CALN1: variants seen among roughly 807,000 people sequenced by gnomAD.
CALN1 encodes calneuron 1.
A neutral mutation model predicts 30.6 loss-of-function variants in CALN1; 17 were observed. That is an observed-to-expected ratio of 0.56 (90% CI 0.38 to 0.83). The LOEUF is 0.83. Ranked by LOEUF, CALN1 falls within the 40% of genes least tolerant of loss-of-function variation. The pLI, the probability that CALN1 is intolerant of heterozygous loss-of-function variation, is 0.00. For synonymous variants in CALN1, 156 were observed against 131.4 expected, an observed-to-expected ratio of 1.19 and a Z score of -1.28; for missense variants, 291 against 354.9, an observed-to-expected ratio of 0.82 and a Z score of 1.45.
At chr7:71,841,405 C>T (rs1024785939) in intron 5 of CALN1, among the ~76,000 whole-genome samples, 1 of 152,134 alleles carries the variant, frequency 6.6e-6, no homozygotes, top group Non-Finnish European at 1.5e-5. Context: ...CATCATGGGC[C>T]AATTCCAACA....
intron 2 of CALN1, among the ~76,000 whole-genome samples, chr7:72,401,248 T>G (rs547090346): frequency 2.6e-5 from 4 of 152,214 alleles, no homozygotes; most frequent in Middle Eastern, 3.4e-3. Context: ...CTCTGAGAGA[T>G]AACATTACTG....
intron 3 of CALN1, among the ~76,000 whole-genome samples, chr7:72,228,438 G>A (rs770424548): frequency 6.6e-6 from 1 of 151,832 alleles, no homozygotes; most frequent in Non-Finnish European, 1.5e-5. Context: ...ACAGTGATGT[G>A]TGCACAGCTC....
intron 5 of CALN1, among the ~76,000 whole-genome samples, chr7:71,908,902 T>A (rs939126405): frequency 2.6e-5 from 4 of 152,208 alleles, no homozygotes; most frequent in African/African-American, 9.6e-5. Flanking sequence ...CTTTCAGGGA[T>A]CCAGGGACGT....
At chr7:72,367,215 CTGG>C (rs1803929895) in intron 2 of CALN1, among the ~76,000 whole-genome samples, 1 of 152,112 alleles carries the variant, frequency 6.6e-6, no homozygotes, top group South Asian at 2.1e-4. Context: ...ATGATAGCAT[CTGG>C]GGTCACACCT....
chr7:72,044,328 A>T (rs975157115), intron 4 of CALN1, among the ~76,000 whole-genome samples: 4 of 152,062 alleles, frequency 2.6e-5, no homozygotes, highest in African/African-American at 9.7e-5. Flanking sequence ...GTTCATCCAG[A>T]GCCGGCCTCC....
intron 3 of CALN1, among the ~76,000 whole-genome samples, chr7:72,223,599 C>G (rs926416642): frequency 6.6e-6 from 1 of 152,104 alleles, no homozygotes; most frequent in African/African-American, 2.4e-5. Context: ...CTCACAGGCC[C>G]CCACAAAAGG....
chr7:71,987,103 G>A (rs1327136760), intron 5 of CALN1, among the ~76,000 whole-genome samples: 1 of 151,774 alleles, frequency 6.6e-6, no homozygotes, highest in African/African-American at 2.4e-5. Flanking sequence ...TCCAGCCTCG[G>A]TGACAGAGCG....
intron 3 of CALN1, among the ~76,000 whole-genome samples, chr7:72,175,852 G>A (rs1789311481): frequency 6.6e-6 from 1 of 152,132 alleles, no homozygotes. Flanking sequence ...AAGAGGGAAA[G>A]TCTCTTAGGT....
intron 3 of CALN1, among the ~76,000 whole-genome samples, chr7:72,145,470 CAAT>C (rs1786632230): frequency 6.6e-6 from 1 of 152,078 alleles, no homozygotes; most frequent in Non-Finnish European, 1.5e-5. Context: ...GAAGTTGAGG[CAAT>C]AATTAATAGC....
intron 3 of CALN1, among the ~76,000 whole-genome samples, chr7:72,233,193 GA>G (rs200734987): frequency 0.013 from 1,529 of 117,748 alleles, 12 homozygotes; most frequent in Middle Eastern, 0.03. Context: ...CTGTAAAAAG[GA>G]AAAAAAAAAA....
chr7:72,267,127 T>G (rs549088186), intron 3 of CALN1, among the ~76,000 whole-genome samples: 1 of 152,292 alleles, frequency 6.6e-6, no homozygotes, highest in East Asian at 1.9e-4. Context: ...TGTTTCTGCC[T>G]CCTTCAAACC....
At chr7:72,183,965 T>C (rs567115262) in intron 3 of CALN1, among the ~76,000 whole-genome samples, 1 of 152,154 alleles carries the variant, frequency 6.6e-6, no homozygotes, top group East Asian at 1.9e-4. Flanking sequence ...GGGGAAATGA[T>C]CATTAAAAAT....
intron 3 of CALN1, among the ~76,000 whole-genome samples, chr7:72,212,082 G>A (rs1792437812): frequency 6.6e-6 from 1 of 152,136 alleles, no homozygotes; most frequent in Non-Finnish European, 1.5e-5. Flanking sequence ...GCCGGGCACG[G>A]TGACTCATGC....
chr7:72,178,023 C>T (rs974928902), intron 3 of CALN1, among the ~76,000 whole-genome samples: 1 of 152,118 alleles, frequency 6.6e-6, no homozygotes, highest in Admixed American at 6.5e-5. Flanking sequence ...GAATCTGAGG[C>T]CTTTTATTAC....
intron 2 of CALN1, chr7:72,337,563 C>G (rs1393808403): frequency 1.3e-5 from 2 of 153,462 alleles, no homozygotes; most frequent in African/African-American, 4.8e-5. Context: ...AACTGCTGCT[C>G]CTCAGCACAG....
chr7:72,338,502 T>A (rs893083299), intron 2 of CALN1, among the ~76,000 whole-genome samples: 1 of 146,722 alleles, frequency 6.8e-6, no homozygotes, highest in African/African-American at 2.5e-5. Flanking sequence ...TGTGTGTGTG[T>A]GTGTGTGTGT....
At chr7:72,337,438 ACACGCATG>A (rs1435470097) in intron 2 of CALN1, 1 of 206,924 alleles carries the variant, frequency 4.8e-6, no homozygotes, top group African/African-American at 2.4e-5. Context: ...ACACACACAC[ACACGCATG>A]CACATGCACG....
intron 3 of CALN1, among the ~76,000 whole-genome samples, chr7:72,256,113 C>T (rs1394180092): frequency 6.6e-6 from 1 of 152,176 alleles, no homozygotes; most frequent in Non-Finnish European, 1.5e-5. Flanking sequence ...TATTAGTGTC[C>T]TATTAGATGG....
intron 4 of CALN1, among the ~76,000 whole-genome samples, chr7:72,098,409 T>A (rs1201817511): frequency 6.6e-6 from 1 of 152,144 alleles, no homozygotes; most frequent in East Asian, 1.9e-4. Flanking sequence ...TTTATTTAAC[T>A]CTGAATAGTT....
Sources: gnomAD v4.1 joint callset for allele counts (sites outside exome capture counted in the v4.1 genomes callset) on GRCh38, gnomAD v4.1.1 for gene constraint, MANE v1.5 for transcripts, NCBI Gene and HGNC (gene_info 2026-07-23, HGNC 2026-07-21) for gene names.